MKLN1: variants seen among roughly 807,000 people sequenced by gnomAD.
MKLN1 encodes muskelin 1.
In MKLN1, 18 loss-of-function variants were observed where a neutral mutation model predicts 99.0. That is an observed-to-expected ratio of 0.18 (90% confidence interval 0.13 to 0.27). The LOEUF (loss-of-function observed/expected upper bound fraction) is 0.27. Among genes scored for constraint, MKLN1 ranks in the 10% least tolerant of loss-of-function variants. MKLN1 has a pLI of 1.00. For missense variants in MKLN1, 621 were observed against 875.9 expected (o/e 0.71, Z 3.67); for synonymous variants, 288 against 293.2 (o/e 0.98, Z 0.18).
chr7:131,409,568 G>A (rs1294714418), intron 6 of MKLN1, among the ~76,000 whole-genome samples: 2 of 152,264 alleles, frequency 1.3e-5, no homozygotes, highest in African/African-American at 4.8e-5. Context: ...AAAGCGAAAG[G>A]GTTGGTTACA....
intron 3 of MKLN1, among the ~76,000 whole-genome samples, chr7:131,307,436 G>A (rs1340252279): frequency 6.6e-6 from 1 of 152,148 alleles, no homozygotes; most frequent in East Asian, 1.9e-4. Flanking sequence ...GATCCACCAA[G>A]AGGTTGTACT....
chr7:131,117,423 C>T (rs1160999781), intron 1 of MKLN1, among the ~76,000 whole-genome samples: 1 of 137,272 alleles, frequency 7.3e-6, no homozygotes, highest in Non-Finnish European at 1.6e-5. Flanking sequence ...GACCGAGACT[C>T]CATCTCAGGA....
intron 3 of MKLN1, among the ~76,000 whole-genome samples, chr7:131,317,194 G>T (rs1360825261): frequency 1.3e-5 from 2 of 152,062 alleles, no homozygotes; most frequent in East Asian, 3.9e-4. Flanking sequence ...AATGTTAAGG[G>T]CAGACACAGA....
At chr7:131,461,376 T>C (rs1420283983) in intron 12 of MKLN1, among the ~76,000 whole-genome samples, 1 of 151,888 alleles carries the variant, frequency 6.6e-6, no homozygotes, top group African/African-American at 2.4e-5. Context: ...CATGAGGGTG[T>C]AGGCTATTAT....
At chr7:131,137,586 G>T (rs1389842164) in intron 1 of MKLN1, among the ~76,000 whole-genome samples, 2 of 151,984 alleles carry the variant, frequency 1.3e-5, no homozygotes, top group Non-Finnish European at 2.9e-5. Context: ...TTTTGTTTTT[G>T]TTTTTTGAGA....
intron 3 of MKLN1, among the ~76,000 whole-genome samples, chr7:131,228,574 T>G (rs1797192616): frequency 6.6e-6 from 1 of 152,234 alleles, no homozygotes; most frequent in Admixed American, 6.5e-5. Flanking sequence ...CAGCCTCGCT[T>G]TCTTCATCTA....
At chr7:131,396,160 C>T (rs1276929698) in intron 4 of MKLN1, among the ~76,000 whole-genome samples, 1 of 152,136 alleles carries the variant, frequency 6.6e-6, no homozygotes, top group Non-Finnish European at 1.5e-5. Context: ...GCAACCTCCA[C>T]CTCCTGGGTT....
At chr7:131,434,701 G>A (rs765762646) in intron 9 of MKLN1, among the ~76,000 whole-genome samples, 16 of 152,052 alleles carry the variant, frequency 1.1e-4, no homozygotes, top group Non-Finnish European at 2.4e-4. Flanking sequence ...CCACAGGCGC[G>A]TGCCTCCATG....
intron 12 of MKLN1, among the ~76,000 whole-genome samples, chr7:131,458,171 T>C (rs2116584664): frequency 6.6e-6 from 1 of 152,218 alleles, no homozygotes; most frequent in East Asian, 1.9e-4. Flanking sequence ...TGAACAGCAA[T>C]GTAGAATGAG....
chr7:131,267,730 A>C (rs1797830071), intron 3 of MKLN1, among the ~76,000 whole-genome samples: 1 of 152,212 alleles, frequency 6.6e-6, no homozygotes, highest in Admixed American at 6.5e-5. Flanking sequence ...AAATGTTTTC[A>C]GTCAGCATAT....
In MKLN1 at chr7:131,437,949, T is replaced by C; in HGVS notation, c.1125T>C (p.Ser375=). ...ATACAAACACATGGATGTTACTAAG[T>C]GAGGATACTGCTGCTGATGGAGGGC... ...DIDTNTWMLL[S]EDTAADGGPK... is the part of the protein sequence containing the mutation. Residue 375 remains serine, a synonymous_variant, in exon 10 of 18, where the codon AGT becomes AGC. Transcript: ENST00000352689. 6.2e-7 allele frequency: 1 copy of C among 1,613,922 alleles called. No homozygotes were observed. Among genetic ancestry groups the C allele is most frequent in the Non-Finnish European group, 8.5e-7 (1 of 1,179,864 alleles).
At chr7:131,271,639 T>C (rs1797886639) in intron 3 of MKLN1, among the ~76,000 whole-genome samples, 1 of 132,294 alleles carries the variant, frequency 7.6e-6, no homozygotes, top group Admixed American at 7.6e-5. Flanking sequence ...AAAAAAAAAT[T>C]TGGCCGGGCA....
rs993373273 is a variant in MKLN1 at position 131,464,423 on chromosome 7, T to A, written c.1788+15T>A. The A allele has an allele frequency of 6.7e-7, 1 of 1,498,162 alleles. No homozygotes were observed. The highest frequency in any genetic ancestry group is 9.3e-7 in the Non-Finnish European group (1 of 1,076,010). The allele number at this position is 1,498,162 out of a possible 1,614,324, so 92.8% of individuals were successfully genotyped here. ...AGCTACACAAGGTATCCTAACTACA[T>A]TGACCTGTAAACTTTCCATGGCCTA... On this transcript the variant is annotated intron_variant, in intron 14 of 17. Coordinates refer to ENST00000352689, the MANE Select transcript of MKLN1 (RefSeq NM_013255.5).
At chr7:131,170,793 A>G (rs1020039054) in intron 2 of MKLN1, among the ~76,000 whole-genome samples, 1 of 152,218 alleles carries the variant, frequency 6.6e-6, no homozygotes, top group Non-Finnish European at 1.5e-5. Flanking sequence ...GAAATCCACA[A>G]ACCCACCATG....
intron 3 of MKLN1, among the ~76,000 whole-genome samples, chr7:131,206,931 G>A (rs1796821509): frequency 6.6e-6 from 1 of 152,122 alleles, no homozygotes. Context: ...ATGTTGCCAA[G>A]GCTGATTTGG....
intron 3 of MKLN1, among the ~76,000 whole-genome samples, chr7:131,320,395 G>A (rs1251300101): frequency 2.0e-5 from 3 of 152,062 alleles, no homozygotes; most frequent in Non-Finnish European, 4.4e-5. Flanking sequence ...ACAGAAACTG[G>A]ACCCCCTCCT....
chr7:131,332,889 A>G (rs1437063737), intron 1 of MKLN1, among the ~76,000 whole-genome samples: 2 of 151,700 alleles, frequency 1.3e-5, no homozygotes, highest in African/African-American at 4.8e-5. Context: ...CCAGTTTCTC[A>G]AGTAGCTGGG....
chr7:131,192,651 C>T (rs897069845), intron 2 of MKLN1, among the ~76,000 whole-genome samples: 8 of 151,422 alleles, frequency 5.3e-5, no homozygotes, highest in Admixed American at 3.3e-4. Context: ...AAACAATTCT[C>T]CTGCCTCAGC....
intron 3 of MKLN1, chr7:131,242,606 G>T: frequency 2.0e-6 from 1 of 494,384 alleles, no homozygotes; most frequent in South Asian, 1.9e-5. Context: ...GCAAGTTCAT[G>T]AAACCTGGGA....
Sources: allele counts gnomAD v4.1 joint callset (sites outside exome capture counted in the v4.1 genomes callset), GRCh38; gene constraint gnomAD v4.1.1; transcripts MANE v1.5; gene names NCBI Gene and HGNC (gene_info 2026-07-23, HGNC 2026-07-21).